Variants in TMEM170B observed in about 807,000 individuals in gnomAD.
TMEM170B encodes the protein transmembrane protein 170B.
Under a neutral mutation model 13.0 loss-of-function variants are expected in TMEM170B, and 6 were observed. That is an observed-to-expected ratio of 0.46 (90% CI 0.25 to 0.91). The LOEUF (loss-of-function observed/expected upper bound fraction) is 0.91. Ranked by LOEUF, TMEM170B falls within the 40% of genes least tolerant of loss-of-function variation. The pLI, the probability that TMEM170B is intolerant of heterozygous loss-of-function variation, is 0.17. For missense variants in TMEM170B, 138 were observed against 165.2 expected (o/e 0.84, Z 0.90); for synonymous variants, 61 against 64.9 (o/e 0.94, Z 0.29).
chr6:11,548,839 C>T (rs1042871117), intron 1 of TMEM170B, among the ~76,000 whole-genome samples: 10 of 150,942 alleles, frequency 6.6e-5, no homozygotes, highest in Admixed American at 5.3e-4. Flanking sequence ...AACCAAAGAT[C>T]GCGTGCTCTC....
intron 1 of TMEM170B, among the ~76,000 whole-genome samples, chr6:11,550,263 C>T (rs1198093823): frequency 2.0e-5 from 3 of 151,698 alleles, no homozygotes; most frequent in Non-Finnish European, 4.4e-5. Context: ...ACCTGTGCCT[C>T]CTGAGTTCAA....
At chr6:11,573,365 A>C (rs1759829285) in intron 2 of TMEM170B, among the ~76,000 whole-genome samples, 1 of 152,152 alleles carries the variant, frequency 6.6e-6, no homozygotes, top group Non-Finnish European at 1.5e-5. Flanking sequence ...TTGAATGGTG[A>C]ATCACTGATT....
At chr6:11,557,127 A>G (rs2113771711) in intron 1 of TMEM170B, among the ~76,000 whole-genome samples, 1 of 152,288 alleles carries the variant, frequency 6.6e-6, no homozygotes, top group African/African-American at 2.4e-5. Flanking sequence ...ACCCACTTGT[A>G]TGTTGCCCAC....
rs1277557058 is a variant in TMEM170B, at chr6:11,581,342, G to T, written c.*5781G>T. The T allele has an allele frequency of 6.6e-6, 1 of 152,182 alleles. No homozygotes were observed. Among genetic ancestry groups the T allele is most frequent in the East Asian group, 1.9e-4 (1 of 5,200 alleles). The allele number at this position is 152,182 out of a possible 1,614,324, so 9.4% of individuals were successfully genotyped here. A position where few individuals can be genotyped will look rare whatever the true frequency, so the allele number is the denominator to read the frequency against. On this transcript the variant is annotated 3_prime_UTR_variant, in exon 3 of 3. Transcript: ENST00000379426. ...ACAATTTGTTGATAGAATCCAAGGA[G>T]CTGGTTTAGGAAAGAATACTCTTAA...
Position 11,581,661 on chromosome 6 carries a change from A to G in TMEM170B, c.*6100A>G, listed in dbSNP as rs187793132. The stretch of plus-strand genomic sequence containing the variant: ...AAATTGGTAGTTCCTAAAAATCACC[A>G]CTTTAAAAATTTTATTCTGTCTTGC... On this transcript the variant is annotated 3_prime_UTR_variant, in exon 3 of 3. Coordinates refer to ENST00000379426, the MANE Select transcript of TMEM170B (RefSeq NM_001100829.3). 9 of 152,326 alleles carry G rather than the reference A, an allele frequency of 5.9e-5. No individual in the cohort carries two copies. In the East Asian group the frequency reaches 1.7e-3, roughly 29 times the overall value. 9.4% of individuals were successfully genotyped at this position (152,326 alleles called of 1,614,324 possible). A position where few individuals can be genotyped will look rare whatever the true frequency, so the allele number is the denominator to read the frequency against.
At chr6:11,550,872 A>G (rs1217934916) in intron 1 of TMEM170B, among the ~76,000 whole-genome samples, 1 of 152,220 alleles carries the variant, frequency 6.6e-6, no homozygotes, top group African/African-American at 2.4e-5. Context: ...CAGAGATACA[A>G]AGATAAATAC....
chr6:11,575,790 C>T lies in TMEM170B; in HGVS notation c.*229C>T, dbSNP rs959494388. ...GTCTCAGGCAAGGTGCATTAAGACA[C>T]TATGTAAAGTTACAAGAAAAAGCAC... On this transcript the variant is annotated 3_prime_UTR_variant, in exon 3 of 3. Coordinates refer to ENST00000379426, the MANE Select transcript of TMEM170B (RefSeq NM_001100829.3). The surrounding 1 kb of genome is among the most constrained non-coding windows in gnomAD (Gnocchi z 4.1). 4 of 380,132 alleles carry T rather than the reference C, an allele frequency of 1.1e-5. No homozygotes were observed. The East Asian group carries it at 1.8e-4, about 17-fold the overall frequency. 23.5% of individuals were successfully genotyped at this position (380,132 alleles called of 1,614,324 possible).
At chr6:11,545,074 A>T (rs1759414854) in intron 1 of TMEM170B, among the ~76,000 whole-genome samples, 1 of 152,112 alleles carries the variant, frequency 6.6e-6, no homozygotes, top group African/African-American at 2.4e-5. Context: ...AGGGTCTGTA[A>T]ATCCCAGTAT....
chr6:11,548,719 T>C (rs1759474691), intron 1 of TMEM170B, among the ~76,000 whole-genome samples: 1 of 152,172 alleles, frequency 6.6e-6, no homozygotes, highest in Non-Finnish European at 1.5e-5. Flanking sequence ...GTGGCACATA[T>C]ACACCATGGA....
rs138238169 is a variant in TMEM170B, at chr6:11,544,424, G to T, written c.97+6050G>T. Among the ~76,000 whole-genome samples the T allele has an allele frequency of 1.1e-3, 172 of 152,228 alleles. 3 individuals carry two copies. The East Asian group carries it at 0.025, about 23-fold the overall frequency. ...TTCAACCTGTACTTAAAAGTACCCT[G>T]GTAAGTGTTTGCATCAGTGAGCCTG... On this transcript the variant is annotated intron_variant, in intron 1 of 2. Coordinates refer to ENST00000379426, the MANE Select transcript of TMEM170B (RefSeq NM_001100829.3).
At chr6:11,559,920 A>G (rs1454385415) in intron 1 of TMEM170B, among the ~76,000 whole-genome samples, 5 of 152,044 alleles carry the variant, frequency 3.3e-5, no homozygotes, top group South Asian at 2.1e-4. Context: ...TTGACTTGCT[A>G]ATGACTTTTA....
At chr6:11,570,922 A>G (rs1255022625) in intron 2 of TMEM170B, among the ~76,000 whole-genome samples, 1 of 152,184 alleles carries the variant, frequency 6.6e-6, no homozygotes, top group East Asian at 1.9e-4. Context: ...TGTATCATGA[A>G]ATGTTAATCT....
At position 11,565,789 on chromosome 6, in the gene TMEM170B, C is replaced by T; in HGVS notation, c.221C>T (p.Ala74Val). The change falls in exon 2 of 3, where the codon GCA becomes GTA. Residue 74 changes from alanine to valine, a missense_variant. Coordinates refer to ENST00000379426, the MANE Select transcript of TMEM170B (RefSeq NM_001100829.3). ...HRQGRVISVI[A>V]VSIGFLASVT... ...CAGGGAAGAGTCATCTCTGTCATTG[C>T]AGTCAGCATTGGATTTCTGGCTTCT... is the stretch of plus-strand genomic sequence containing the variant. 6.2e-7 allele frequency: 1 copy of T among 1,614,142 alleles called. No homozygotes were observed. Among genetic ancestry groups the T allele is most frequent in the Admixed American group, 1.7e-5 (1 of 60,026 alleles).
At chr6:11,557,510 A>T (rs1759607001) in intron 1 of TMEM170B, among the ~76,000 whole-genome samples, 6 of 152,278 alleles carry the variant, frequency 3.9e-5, no homozygotes, top group Admixed American at 3.9e-4. Flanking sequence ...GAAATTAAAA[A>T]AAAGGAAATA....
chr6:11,575,405 T>G lies in TMEM170B; in HGVS notation c.269-26T>G, dbSNP rs1228121030. The G allele has an allele frequency of 8.7e-6, 14 of 1,612,840 alleles. No individual in the cohort carries two copies. Among genetic ancestry groups the G allele is most frequent in the Non-Finnish European group, 1.1e-5 (13 of 1,179,108 alleles). ...GTTATAAAACGAGTGACTGTATCCC[T>G]TCATTTTTCTCCCGTTTCTCCTTAG... On this transcript the variant is annotated intron_variant, in intron 2 of 2. Transcript: ENST00000379426. The surrounding 1 kb of genome is among the most constrained non-coding windows in gnomAD (Gnocchi z 4.1).
chr6:11,549,907 T>G (rs1759501195), intron 1 of TMEM170B, among the ~76,000 whole-genome samples: 1 of 152,184 alleles, frequency 6.6e-6, no homozygotes, highest in African/African-American at 2.4e-5. Context: ...TTGAGGAATG[T>G]AGGTTACTAG....
In TMEM170B at chr6:11,565,798, T is replaced by C. The variant is rs555205752; in HGVS notation, c.230T>C (p.Ile77Thr). Reference protein sequence around the residue: ...GRVISVIAVSIGFLASVTGAM... With the variant: ...GRVISVIAVSTGFLASVTGAM... ...GTCATCTCTGTCATTGCAGTCAGCATTGGATTTCTGGCTTCTGTAACTGGA... is the reference window on the plus strand; with the variant it reads ...GTCATCTCTGTCATTGCAGTCAGCACTGGATTTCTGGCTTCTGTAACTGGA... Residue 77 changes from isoleucine (I) to threonine (T), a missense_variant, in exon 2 of 3, where the codon ATT becomes ACT. Coordinates refer to ENST00000379426, the MANE Select transcript of TMEM170B (RefSeq NM_001100829.3). The C allele has an allele frequency of 5.0e-6, 8 of 1,614,184 alleles. No individual in the cohort carries two copies. In the African/African-American group the frequency reaches 6.7e-5, roughly 13 times the overall value.
At chr6:11,553,720 TA>T (rs1483016859) in intron 1 of TMEM170B, among the ~76,000 whole-genome samples, 3 of 152,232 alleles carry the variant, frequency 2.0e-5, no homozygotes, top group Non-Finnish European at 4.4e-5. Context: ...CATTTGCACA[TA>T]AACTTGTTTC....
intron 2 of TMEM170B, among the ~76,000 whole-genome samples, chr6:11,573,536 T>C (rs1759832409): frequency 6.6e-6 from 1 of 152,190 alleles, no homozygotes; most frequent in Non-Finnish European, 1.5e-5. Flanking sequence ...GAGGCTGTGA[T>C]TGTCCAGTGT....
Sources: allele counts gnomAD v4.1 joint callset (sites outside exome capture counted in the v4.1 genomes callset), GRCh38; gene constraint gnomAD v4.1.1; non-coding constraint Gnocchi (gnomAD v3.1); transcripts MANE v1.5; gene names NCBI Gene and HGNC (gene_info 2026-07-23, HGNC 2026-07-21).